The following MPC2 variants were observed in gnomAD, a reference collection of about 807,000 sequenced individuals.
The protein encoded by MPC2 is brain protein 44.
A neutral mutation model predicts 19.2 loss-of-function variants in MPC2; 19 were observed. The ratio of observed to expected loss-of-function variants is 0.99; its 90% CI spans 0.69 to 1.45. MPC2 has a LOEUF of 1.45. Ranked by LOEUF, MPC2 falls within the 40% of genes most tolerant of loss-of-function variation. MPC2 has a pLI of 0.00. For synonymous variants in MPC2, 61 were observed against 54.3 expected, an observed-to-expected ratio of 1.12 and a Z score of -0.54; for missense variants, 122 against 153.0, an observed-to-expected ratio of 0.80 and a Z score of 1.07.
intron 3 of MPC2, among the ~76,000 whole-genome samples, chr1:167,921,469 GCC>G (rs1180950657): frequency 1.4e-4 from 21 of 152,066 alleles, no homozygotes; most frequent in African/African-American, 5.1e-4. Context: ...TGATCCGCCC[GCC>G]TCAACCTCCC....
chr1:167,918,498 G>C (rs770984315), intron 5 of MPC2, 139 bp from the exon 6 acceptor site: 2 of 484,210 alleles, frequency 4.1e-6, no homozygotes, highest in Non-Finnish European at 7.1e-6. Flanking sequence ...TCTTCCCGGA[G>C]GGCTTACAGG....
In MPC2 at chr1:167,935,800, G is replaced by A; in HGVS notation, c.42C>T (p.His14=). Residue 14 remains histidine (H), a synonymous_variant, in exon 2 of 6, where the codon CAC becomes CAT. Coordinates refer to ENST00000271373, the MANE Select transcript of MPC2 (RefSeq NM_001143674.4). ...TCAGCTCCACTTTATCGAGGAGCCG[G>A]TGGTAGGTGGCCCGCAGGCCTCGGG... is the stretch of plus-strand genomic sequence containing the variant. The part of the protein sequence containing the change: ...AGARGLRATY[H]RLLDKVELML... 1 of 1,558,610 alleles carries A rather than the reference G, an allele frequency of 6.4e-7. No homozygotes were observed. The highest frequency in any genetic ancestry group is 8.7e-7 in the Non-Finnish European group (1 of 1,151,676).
chr1:167,931,242 T>A lies in MPC2; in HGVS notation c.109+4491A>T, dbSNP rs1199695236. 2.0e-5 allele frequency among the ~76,000 whole-genome samples: 3 copies of A among 152,208 alleles called. No individual in the cohort carries two copies. The East Asian group carries it at 5.8e-4, about 29-fold the overall frequency. ...CTACCGCGCCCAGCTGATATTCCTT[T>A]TTATGAATTCTTCTGAGAATACAAA... On this transcript the variant is annotated intron_variant, in intron 2 of 5. Transcript: ENST00000271373.
chr1:167,931,454 TTTTAG>T (rs1363070359), intron 2 of MPC2, among the ~76,000 whole-genome samples: 2 of 152,158 alleles, frequency 1.3e-5, no homozygotes, highest in Non-Finnish European at 2.9e-5. Flanking sequence ...CTTACATCTA[TTTTAG>T]TTATCTCTTA....
intron 3 of MPC2, among the ~76,000 whole-genome samples, chr1:167,922,238 G>T (rs1670620203): frequency 6.6e-6 from 1 of 152,108 alleles, no homozygotes; most frequent in South Asian, 2.1e-4. Context: ...ATTTCAACAT[G>T]TACTTAAAAT....
chr1:167,936,743 G>T, intron 1 of MPC2, 196 bp downstream of exon 1: 2 of 611,134 alleles, frequency 3.3e-6, no homozygotes, highest in Non-Finnish European at 2.9e-6. Context: ...GGTGCGGCCG[G>T]GCTTCAGGGG....
In MPC2 at chr1:167,919,407, G is replaced by C. The variant is rs77955285; in HGVS notation, c.347+572C>G. Among the ~76,000 whole-genome samples the C allele has an allele frequency of 1.2e-3, 184 of 152,250 alleles. No homozygotes were observed. In the Middle Eastern group the frequency reaches 0.014, roughly 11 times the overall value. Reference sequence around the variant, plus strand: ...ACCATACCTCCTAGGTTTCTCAAAAGATCCTGATTTCAAATATTTGATCAT... The same window carrying C: ...ACCATACCTCCTAGGTTTCTCAAAACATCCTGATTTCAAATATTTGATCAT... On this transcript the variant is annotated intron_variant, in intron 5 of 5. Coordinates refer to ENST00000271373, the MANE Select transcript of MPC2 (RefSeq NM_001143674.4).
intron 2 of MPC2, among the ~76,000 whole-genome samples, chr1:167,926,922 T>G (rs1350357352): frequency 1.3e-5 from 2 of 152,206 alleles, no homozygotes; most frequent in Admixed American, 1.3e-4. Context: ...AAACTCCAGG[T>G]TAGGCTAAAT....
rs767766833 is a variant in MPC2, at chr1:167,918,301, G to A, written c.*22C>T. On this transcript the variant is annotated 3_prime_UTR_variant, in exon 6 of 6. Transcript: ENST00000271373. ...CAATGGTTTTGTCCACATCTAGATT[G>A]TTCAGGTGATCAGGAACTCTTTTAT... is the stretch of plus-strand genomic sequence containing the variant. The A allele has an allele frequency of 2.6e-6, 4 of 1,557,372 alleles. No individual in the cohort carries two copies. The South Asian group carries it at 4.5e-5, about 18-fold the overall frequency.
intron 2 of MPC2, among the ~76,000 whole-genome samples, chr1:167,932,808 C>CAAA (rs965449372): frequency 3.6e-5 from 2 of 54,944 alleles, no homozygotes; most frequent in Non-Finnish European, 4.2e-5. Flanking sequence ...GACTCTGTCT[C>CAAA]AAAAAAAAAA....
intron 2 of MPC2, among the ~76,000 whole-genome samples, chr1:167,925,347 A>G (rs203862): frequency 9.1e-4 from 137 of 150,676 alleles, no homozygotes; most frequent in African/African-American, 3.1e-3. Context: ...AATAAAAAGG[A>G]AAGTTAGCCA....
intron 1 of MPC2, chr1:167,936,143 G>T (rs562556771): frequency 4.5e-5 from 16 of 355,188 alleles, no homozygotes; most frequent in Non-Finnish European, 8.5e-5. Context: ...CCAAGTCTGC[G>T]CTGCGCCCTG....
chr1:167,928,431 T>A (rs1165304827), intron 2 of MPC2, among the ~76,000 whole-genome samples: 1 of 152,128 alleles, frequency 6.6e-6, no homozygotes, highest in Non-Finnish European at 1.5e-5. Context: ...TTTTTTCCTG[T>A]AAGAGTAAAT....
rs1042496589 is a variant in MPC2, at chr1:167,930,700, C to T, written c.109+5033G>A. ...CTCAGGAGAGTTCTGGATAGAGCAA[C>T]GACTAGAACACAGTTTCTTTGATCC... On this transcript the variant is annotated intron_variant, in intron 2 of 5. Transcript: ENST00000271373. Among the ~76,000 whole-genome samples, 9 of 152,256 alleles carry T rather than the reference C, an allele frequency of 5.9e-5. No homozygotes were observed. The South Asian group carries it at 8.3e-4, about 14-fold the overall frequency.
chr1:167,929,859 T>TA (rs1459238293), intron 2 of MPC2, among the ~76,000 whole-genome samples: 1 of 152,222 alleles, frequency 6.6e-6, no homozygotes, highest in East Asian at 1.9e-4. Flanking sequence ...TAAGAGGTCA[T>TA]AAAATCACTA....
intron 3 of MPC2, 80 bp downstream of exon 3, chr1:167,924,417 T>C: frequency 8.5e-7 from 1 of 1,171,932 alleles, no homozygotes; most frequent in Non-Finnish European, 1.2e-6. Context: ...AGTATATCCT[T>C]CATAAAAGTT....
At chr1:167,936,390 C>T (rs1671216586) in intron 1 of MPC2, 1 of 177,334 alleles carries the variant, frequency 5.6e-6, no homozygotes, top group Non-Finnish European at 1.2e-5. Context: ...TCTCTTGCTT[C>T]TTTTCACTGG....
Position 167,925,456 on chromosome 1 carries a change from T to TATAA in MPC2, c.110-920_110-919insTTAT, listed in dbSNP as rs1670718627. 2.7e-5 allele frequency among the ~76,000 whole-genome samples: 3 copies of TATAA among 111,884 alleles called. No individual in the cohort carries two copies. The South Asian group carries it at 7.7e-4, about 29-fold the overall frequency. 73.4% of individuals were successfully genotyped at this position (111,884 alleles called of 152,430 possible). The stretch of plus-strand genomic sequence containing the variant: ...ATACATATACACATATATATATATA[T>TATAA]ATATATATATATATATATACATATA... On this transcript the variant is annotated intron_variant, in intron 2 of 5. Coordinates refer to ENST00000271373, the MANE Select transcript of MPC2 (RefSeq NM_001143674.4).
In MPC2 at chr1:167,937,033, G is replaced by A. The variant is rs575553925; in HGVS notation, c.-152C>T. 21 of 1,586,656 alleles carry A rather than the reference G, an allele frequency of 1.3e-5. No homozygotes were observed. The highest frequency in any genetic ancestry group is 1.8e-5 in the Non-Finnish European group (21 of 1,163,630). On this transcript the variant is annotated 5_prime_UTR_variant, in exon 1 of 6. Transcript: ENST00000271373. ...GGTGAGCGGGGGCCCCGGGGCGGAG[G>A]CGCTGAGGTCGCCGCCTAGAGTGGG...
Sources: allele counts gnomAD v4.1 joint callset (sites outside exome capture counted in the v4.1 genomes callset), GRCh38; gene constraint gnomAD v4.1.1; transcripts MANE v1.5; gene names NCBI Gene and HGNC (gene_info 2026-07-23, HGNC 2026-07-21).